Variants in CPS1 observed in about 807,000 individuals in gnomAD.
CPS1 encodes carbamoyl-phosphate synthase 1.
In CPS1, 109 loss-of-function variants were observed where a neutral mutation model predicts 174.6. The observed-to-expected ratio is 0.62, with a 90% confidence interval of 0.53 to 0.73. CPS1 has a LOEUF of 0.73. Among genes scored for constraint, CPS1 ranks in the 30% least tolerant of loss-of-function variants. The pLI is 0.00. For missense variants in CPS1, 1,689 were observed against 1,821.9 expected (o/e 0.93, Z 1.33); for synonymous variants, 637 against 632.0 (o/e 1.01, Z -0.12).
intron 33 of CPS1, among the ~76,000 whole-genome samples, chr2:210,663,705 G>A (rs985030453): frequency 4.6e-5 from 7 of 152,122 alleles, no homozygotes; most frequent in African/African-American, 1.4e-4. Flanking sequence ...TAATGGAATC[G>A]GCCACTGGAT....
intron 1 of CPS1, among the ~76,000 whole-genome samples, chr2:210,531,721 TTA>T (rs1263906875): frequency 1.2e-4 from 19 of 152,166 alleles, no homozygotes; most frequent in Admixed American, 2.0e-4. Flanking sequence ...GGAAACAAGA[TTA>T]TAATTTGCCA....
At chr2:210,598,826 A>T (rs71422704) in intron 13 of CPS1, among the ~76,000 whole-genome samples, 9,311 of 151,906 alleles carry the variant, frequency 0.061, 384 homozygotes, top group Middle Eastern at 0.14. Flanking sequence ...TTTAACAAAG[A>T]TATTCAGGAC....
intron 1 of CPS1, among the ~76,000 whole-genome samples, chr2:210,557,762 CCT>C (rs1193515496): frequency 6.6e-6 from 1 of 151,956 alleles, no homozygotes; most frequent in Non-Finnish European, 1.5e-5. Context: ...CAAAAGAAAA[CCT>C]CTGTCTGTTG....
intron 19 of CPS1, among the ~76,000 whole-genome samples, chr2:210,611,177 T>C (rs183240894): frequency 6.6e-6 from 1 of 151,934 alleles, no homozygotes; most frequent in East Asian, 1.9e-4. Context: ...CTAATTAAAT[T>C]TGGAACAGTG....
chr2:210,607,081 C>A, intron 18 of CPS1, 140 bp downstream of exon 18: 1 of 725,008 alleles, frequency 1.4e-6, no homozygotes, highest in Non-Finnish European at 2.3e-6. Context: ...ATTTATAGCA[C>A]CCTGAGGACA....
At chr2:210,498,364 C>T (rs191812042) in intron 1 of CPS1, among the ~76,000 whole-genome samples, 4 of 152,170 alleles carry the variant, frequency 2.6e-5, no homozygotes, top group Admixed American at 2.6e-4. Context: ...AGAAATCTTT[C>T]ACCTCCTTGG....
chr2:210,546,528 G>A (rs780113412), intron 1 of CPS1, among the ~76,000 whole-genome samples: 1 of 152,090 alleles, frequency 6.6e-6, no homozygotes, highest in Admixed American at 6.6e-5. Flanking sequence ...TTCATTAAAA[G>A]AGTATGATTT....
At chr2:210,537,262 G>A (rs1696280354) in intron 1 of CPS1, among the ~76,000 whole-genome samples, 1 of 152,122 alleles carries the variant, frequency 6.6e-6, no homozygotes, top group Non-Finnish European at 1.5e-5. Context: ...AATAAAAGGG[G>A]AAAAACCCAA....
chr2:210,653,351 A>T (rs1468874803), intron 28 of CPS1, among the ~76,000 whole-genome samples: 1 of 152,192 alleles, frequency 6.6e-6, no homozygotes, highest in Non-Finnish European at 1.5e-5. Context: ...CCCGACCCTG[A>T]CATGGAGGAA....
intron 1 of CPS1, among the ~76,000 whole-genome samples, chr2:210,512,736 T>TTTTA (rs1279555792): frequency 1.7e-4 from 8 of 46,750 alleles, no homozygotes; most frequent in African/African-American, 8.4e-4. Flanking sequence ...TCCAGTAGTT[T>TTTTA]TATATATATA....
At chr2:210,651,010 G>A (rs1700542371) in intron 28 of CPS1, among the ~76,000 whole-genome samples, 1 of 152,110 alleles carries the variant, frequency 6.6e-6, no homozygotes, top group Admixed American at 6.5e-5. Context: ...TTCCTCCACT[G>A]CCCCCCAGCC....
intron 33 of CPS1, among the ~76,000 whole-genome samples, chr2:210,667,495 A>C (rs1275120918): frequency 3.9e-5 from 6 of 152,176 alleles, no homozygotes; most frequent in African/African-American, 1.4e-4. Context: ...GTAAACCTAA[A>C]TGGAACTTCT....
chr2:210,677,600 A>T (rs1192837425), intron 37 of CPS1, among the ~76,000 whole-genome samples: 1 of 152,146 alleles, frequency 6.6e-6, no homozygotes, highest in Non-Finnish European at 1.5e-5. Context: ...CAGAGTGGAG[A>T]CTCATTAACT....
At position 210,590,846 on chromosome 2, in the gene CPS1, G is replaced by A. The variant is rs865881540; in HGVS notation, c.887G>A (p.Gly296Glu). The change falls in exon 9 of 38, where the codon GGA (glycine) becomes GAA (glutamate). Residue 296 changes from glycine (G) to glutamate (E), a missense_variant. Physicochemically the swap from Gly to Glu is moderately conservative, Grantham distance 98. Transcript: ENST00000233072. ...GAGCCATTGTTTGGAATCAGTACAG[G>A]AAACTTAATAACAGGATTGGCTGCT... ...RKEPLFGISTGNLITGLAAGA... is the reference protein window; with the variant it reads ...RKEPLFGISTENLITGLAAGA... The A allele has an allele frequency of 6.2e-7, 1 of 1,611,226 alleles. No individual in the cohort carries two copies. The highest frequency in any genetic ancestry group is 8.5e-7 in the Non-Finnish European group (1 of 1,178,182).
chr2:210,591,386 T>G (rs1486198229), intron 9 of CPS1, among the ~76,000 whole-genome samples: 2 of 152,034 alleles, frequency 1.3e-5, no homozygotes, highest in Admixed American at 1.3e-4. Flanking sequence ...ATTAATTTAT[T>G]AAACATCAGG....
At chr2:210,495,130 AT>A (rs1373218588) in intron 1 of CPS1, among the ~76,000 whole-genome samples, 2 of 152,178 alleles carry the variant, frequency 1.3e-5, no homozygotes, top group Non-Finnish European at 2.9e-5. Flanking sequence ...GCAGAACTTA[AT>A]TTTTTATTCC....
Position 210,622,767 on chromosome 2 carries a change from A to G in CPS1, c.2687+6226A>G, listed in dbSNP as rs3770682. 5.8e-3 allele frequency among the ~76,000 whole-genome samples: 191 copies of G among 32,888 alleles called. 3 individuals carry two copies. The highest frequency in any genetic ancestry group is 0.053 in the East Asian group (68 of 1,272). The allele number at this position is 32,888 out of a possible 152,430, so 21.6% of individuals were successfully genotyped here. ...ATATTGAAAGACAATCATGATACTTAAAAAAAAAAAAAAGACACATGAACA... is the reference window on the plus strand; with the variant it reads ...ATATTGAAAGACAATCATGATACTTGAAAAAAAAAAAAAGACACATGAACA... On this transcript the variant is annotated intron_variant, in intron 21 of 37. Transcript: ENST00000233072.
Position 210,599,433 on chromosome 2 carries a change from TG to T in CPS1, c.1424del (p.Gly475AlafsTer2), listed in dbSNP as rs1375157321. The T allele has an allele frequency of 6.2e-7, 1 of 1,612,520 alleles. No individual in the cohort carries two copies. The highest frequency in any genetic ancestry group is 8.5e-7 in the Non-Finnish European group (1 of 1,179,018). ...ATTGCATCAGTCCAGACCAATGAGG[TG>T]GGCTTAAAGCAAGCGGATACTGTCT... ...PNIASVQTNE[V>X]GLKQADTVYF... On this transcript the variant is annotated frameshift_variant, in exon 14 of 38. Coordinates refer to ENST00000233072, the MANE Select transcript of CPS1 (RefSeq NM_001875.5). LOFTEE classifies it high-confidence loss of function.
In CPS1 at chr2:210,642,658, A is replaced by G. The variant is rs1241423400; in HGVS notation, c.3134A>G (p.His1045Arg). 2 of 1,613,986 alleles carry G rather than the reference A, an allele frequency of 1.2e-6. No homozygotes were observed. The highest frequency in any genetic ancestry group is 8.5e-7 in the Non-Finnish European group (1 of 1,179,920). The part of the protein sequence containing the change: ...LSLERILDIY[H>R]QEACGGCIIS... The stretch of plus-strand genomic sequence containing the variant: ...TTGGAGAGAATCCTAGACATCTACC[A>G]TCAGGAGGTAAGAAAAGAAAAACAG... The change falls in exon 25 of 38, where the codon CAT becomes CGT. Residue 1045 changes from histidine (H) to arginine (R), a missense_variant. Transcript: ENST00000233072.
Sources: allele counts gnomAD v4.1 joint callset (sites outside exome capture counted in the v4.1 genomes callset), GRCh38; gene constraint gnomAD v4.1.1; transcripts MANE v1.5; gene names NCBI Gene and HGNC (gene_info 2026-07-23, HGNC 2026-07-21).